SPAG9: variants seen among roughly 807,000 people sequenced by gnomAD.
SPAG9 encodes the protein C-Jun-amino-terminal kinase-interacting protein 4.
SPAG9 carries 35 observed loss-of-function variants against 166.5 expected under a neutral mutation model. That is an observed-to-expected ratio of 0.21 (90% confidence interval 0.16 to 0.28). SPAG9 has a LOEUF of 0.28. SPAG9 is among the 10% of genes least tolerant of loss of function. The pLI is 1.00. For synonymous variants in SPAG9, 534 were observed against 565.5 expected (o/e 0.94, Z 0.79); for missense variants, 1,235 against 1,603.3 (o/e 0.77, Z 3.92).
intron 1 of SPAG9, among the ~76,000 whole-genome samples, chr17:51,087,683 T>C (rs1029305868): frequency 6.6e-6 from 1 of 152,210 alleles, no homozygotes; most frequent in Non-Finnish European, 1.5e-5. Context: ...ACTAGGTTTG[T>C]ATAGTACAAG....
chr17:51,087,849 C>T (rs1315639032), intron 1 of SPAG9, among the ~76,000 whole-genome samples: 1 of 152,222 alleles, frequency 6.6e-6, no homozygotes, highest in Non-Finnish European at 1.5e-5. Flanking sequence ...GATCCTCCCA[C>T]CTCAGCCTTC....
chr17:51,014,115 G>A (rs375856798), intron 9 of SPAG9, 117 bp downstream of exon 9: 1 of 785,104 alleles, frequency 1.3e-6, no homozygotes. Flanking sequence ...TTACCTAAAA[G>A]GGCAATAACC....
chr17:50,986,263 G>C (rs763188960), intron 22 of SPAG9, among the ~76,000 whole-genome samples: 2 of 152,200 alleles, frequency 1.3e-5, no homozygotes, highest in Non-Finnish European at 2.9e-5. Context: ...TTTTACGACA[G>C]GGGAGATTTA....
intron 26 of SPAG9, 57 bp downstream of exon 26, chr17:50,979,689 T>C (rs972224754): frequency 6.6e-6 from 10 of 1,511,236 alleles, no homozygotes; most frequent in East Asian, 2.3e-5. Context: ...AACACATAGA[T>C]AGATAAAATA....
At chr17:51,091,082 C>T (rs778809313) in intron 1 of SPAG9, among the ~76,000 whole-genome samples, 1 of 151,562 alleles carries the variant, frequency 6.6e-6, no homozygotes, top group African/African-American at 2.4e-5. Flanking sequence ...GGCAATATGA[C>T]TCTGTCTCCA....
intron 4 of SPAG9, among the ~76,000 whole-genome samples, chr17:51,044,468 G>A (rs1598073682): frequency 6.6e-6 from 1 of 152,044 alleles, no homozygotes; most frequent in African/African-American, 2.4e-5. Flanking sequence ...GTTATTAAAT[G>A]TTAGCTTATG....
At chr17:50,969,784 G>GT (rs2143569520) in intron 29 of SPAG9, among the ~76,000 whole-genome samples, 1 of 151,978 alleles carries the variant, frequency 6.6e-6, no homozygotes, top group Non-Finnish European at 1.5e-5. Flanking sequence ...CTGACCCTTT[G>GT]TGCTAAGACT....
chr17:50,978,834 C>T (rs1974374820), intron 26 of SPAG9, among the ~76,000 whole-genome samples: 1 of 152,204 alleles, frequency 6.6e-6, no homozygotes, highest in East Asian at 1.9e-4. Flanking sequence ...GTCATGTCAC[C>T]TCACCTAAAG....
chr17:51,083,535 C>T lies in SPAG9; in HGVS notation c.304-3831G>A, dbSNP rs1056097440. ...TACAAGCGTGAGCCACCACACACAG[C>T]CTCTTTATTTTATTTATTTATTTAT... On this transcript the variant is annotated intron_variant, in intron 1 of 29. Coordinates refer to ENST00000262013, the MANE Select transcript of SPAG9 (RefSeq NM_001130528.3). Among the ~76,000 whole-genome samples the T allele has an allele frequency of 2.3e-5, 3 of 130,680 alleles. No homozygotes were observed. The South Asian group carries it at 7.3e-4, about 32-fold the overall frequency. The allele number at this position is 130,680 out of a possible 152,430, so 85.7% of individuals were successfully genotyped here.
intron 24 of SPAG9, among the ~76,000 whole-genome samples, chr17:50,984,596 G>A (rs1974891916): frequency 6.6e-6 from 1 of 152,198 alleles, no homozygotes; most frequent in Non-Finnish European, 1.5e-5. Flanking sequence ...TGAGGCAGGA[G>A]AGTGGTGTGA....
intron 4 of SPAG9, chr17:51,046,946 T>C (rs755764037): frequency 9.7e-6 from 14 of 1,444,198 alleles, no homozygotes; most frequent in South Asian, 8.9e-5. Flanking sequence ...GCTTAGCTCA[T>C]TGGCTACAAT....
At chr17:51,001,947 A>C (rs943568605) in intron 12 of SPAG9, 102 bp from the exon 13 acceptor site, 19 of 1,049,982 alleles carry the variant, frequency 1.8e-5, no homozygotes, top group Non-Finnish European at 2.7e-5. Context: ...GCATTCCTTA[A>C]TTTTTAATCT....
At chr17:51,063,015 T>C (rs2047560658) in intron 2 of SPAG9, among the ~76,000 whole-genome samples, 1 of 152,226 alleles carries the variant, frequency 6.6e-6, no homozygotes, top group Non-Finnish European at 1.5e-5. Context: ...AAATTACAGG[T>C]CTCAAACTTT....
intron 7 of SPAG9, among the ~76,000 whole-genome samples, chr17:51,020,478 T>C (rs968760602): frequency 3.9e-5 from 6 of 152,206 alleles, no homozygotes; most frequent in African/African-American, 1.2e-4. Context: ...TTCCCTTGTG[T>C]TTCGTGGAAC....
intron 2 of SPAG9, among the ~76,000 whole-genome samples, chr17:51,070,290 T>C (rs2047788018): frequency 6.6e-6 from 1 of 152,198 alleles, no homozygotes; most frequent in Non-Finnish European, 1.5e-5. Flanking sequence ...AATGATTCTA[T>C]ATCAGCTCTG....
intron 6 of SPAG9, among the ~76,000 whole-genome samples, chr17:51,026,676 T>A (rs1259792176): frequency 1.5e-5 from 1 of 65,444 alleles, no homozygotes; most frequent in African/African-American, 5.6e-5. Flanking sequence ...TTTCTTTTCT[T>A]TTTTTTTTTT....
At chr17:51,112,544 G>A (rs541736079) in intron 1 of SPAG9, among the ~76,000 whole-genome samples, 12 of 151,282 alleles carry the variant, frequency 7.9e-5, no homozygotes, top group South Asian at 2.1e-4. Flanking sequence ...GATGGCGCGC[G>A]CCTGTAGTCC....
At chr17:51,070,567 A>C (rs2047795609) in intron 2 of SPAG9, among the ~76,000 whole-genome samples, 1 of 152,152 alleles carries the variant, frequency 6.6e-6, no homozygotes, top group Non-Finnish European at 1.5e-5. Context: ...AACCAACAGA[A>C]GTTTTTGGTT....
chr17:51,089,622 A>ATT (rs1426843179), intron 1 of SPAG9, among the ~76,000 whole-genome samples: 26 of 30,382 alleles, frequency 8.6e-4, no homozygotes, highest in African/African-American at 3.1e-3. Context: ...ACTTTATTTT[A>ATT]TATATATATA....
Sources: allele counts gnomAD v4.1 joint callset (sites outside exome capture counted in the v4.1 genomes callset), GRCh38; gene constraint gnomAD v4.1.1; transcripts MANE v1.5; gene names NCBI Gene and HGNC (gene_info 2026-07-23, HGNC 2026-07-21).